Variants in IST1 observed in about 807,000 individuals in gnomAD.
IST1 encodes IST1 homolog.
Under a neutral mutation model 37.0 loss-of-function variants are expected in IST1, and 23 were observed. That is an observed-to-expected ratio of 0.62 (90% CI 0.45 to 0.88). The LOEUF is 0.88. Among genes scored for constraint, IST1 ranks in the 40% least tolerant of loss-of-function variants. The probability of loss-of-function intolerance (pLI) is 0.00; values close to 1 mark genes in which losing one functional copy is unlikely to be tolerated. For missense variants in IST1, 488 were observed against 445.4 expected, an observed-to-expected ratio of 1.10 and a Z score of -0.86; for synonymous variants, 180 against 161.7, an observed-to-expected ratio of 1.11 and a Z score of -0.86.
At chr16:71,912,386 C>T (rs922249759) in intron 1 of IST1, among the ~76,000 whole-genome samples, 1 of 152,032 alleles carries the variant, frequency 6.6e-6, no homozygotes, top group Non-Finnish European at 1.5e-5. Flanking sequence ...TACAGGCGCC[C>T]GCCACCATGC....
At chr16:71,898,840 C>G (rs2037037911) in intron 1 of IST1, among the ~76,000 whole-genome samples, 2 of 151,500 alleles carry the variant, frequency 1.3e-5, no homozygotes, top group Admixed American at 1.3e-4. Flanking sequence ...AGCGGGGTGC[C>G]TGTTCTCCCA....
intron 8 of IST1, chr16:71,923,658 T>TA (rs1284457664): frequency 3.2e-6 from 1 of 317,304 alleles, no homozygotes; most frequent in African/African-American, 2.2e-5. Flanking sequence ...TGAGGGCACT[T>TA]AGCCAGTTGT....
chr16:71,894,748 C>T (rs980648092), upstream of IST1: 33 of 816,592 alleles, frequency 4.0e-5, 1 homozygote, highest in Admixed American at 7.0e-4. Flanking sequence ...GGTGTCCAGG[C>T]TGGTCTGCAA....
At chr16:71,916,042 G>T (rs1348739889) in intron 2 of IST1, among the ~76,000 whole-genome samples, 3 of 152,058 alleles carry the variant, frequency 2.0e-5, no homozygotes, top group Non-Finnish European at 2.9e-5. Context: ...CGTTGGCCAG[G>T]CTGGTCTTGC....
At chr16:71,902,028 A>C (rs2037120367) in intron 1 of IST1, among the ~76,000 whole-genome samples, 1 of 152,230 alleles carries the variant, frequency 6.6e-6, no homozygotes, top group Non-Finnish European at 1.5e-5. Flanking sequence ...AAGAGCTAAG[A>C]CTTTTTAAAA....
At chr16:71,898,964 C>CAAAAA (rs10711796) in intron 1 of IST1, among the ~76,000 whole-genome samples, 1 of 110,310 alleles carries the variant, frequency 9.1e-6, no homozygotes, top group Non-Finnish European at 1.9e-5. Flanking sequence ...GCCTCTATCT[C>CAAAAA]AAAAAAAAAA....
rs1368318960 is a variant in IST1 at position 71,929,429 on chromosome 16, C to A, written c.*1616C>A. On this transcript the variant is annotated 3_prime_UTR_variant, in exon 10 of 10. Transcript: ENST00000378799. ...ACTTGGGACCAAGGGGATTTTGATT[C>A]CTAACTTACAGAATTAAAAACAAAG... The A allele has an allele frequency of 8.7e-7, 1 of 1,154,724 alleles. No homozygotes were observed. The highest frequency in any genetic ancestry group is 1.2e-6 in the Non-Finnish European group (1 of 845,734). 71.5% of individuals were successfully genotyped at this position (1,154,724 alleles called of 1,614,324 possible).
intron 5 of IST1, 184 bp downstream of exon 5, chr16:71,921,006 G>T: frequency 1.6e-6 from 1 of 642,654 alleles, no homozygotes; most frequent in Admixed American, 2.3e-5. Flanking sequence ...CAATTCCTCT[G>T]GTTACTGTCA....
At chr16:71,913,604 A>C (rs780190519) in intron 1 of IST1, among the ~76,000 whole-genome samples, 2 of 152,074 alleles carry the variant, frequency 1.3e-5, no homozygotes, top group Non-Finnish European at 2.9e-5. Flanking sequence ...GGACTCCAGC[A>C]ATCCTCCCGG....
intron 9 of IST1, 129 bp from the exon 10 acceptor site, chr16:71,927,484 CT>C (rs2037772072): frequency 1.6e-6 from 1 of 626,202 alleles, no homozygotes; most frequent in East Asian, 3.0e-5. Flanking sequence ...GGGAGACTGT[CT>C]CAAAAAAAAA....
At chr16:71,922,980 C>T (rs1227567731) in intron 7 of IST1, 3 of 486,634 alleles carry the variant, frequency 6.2e-6, no homozygotes, top group African/African-American at 5.9e-5. Context: ...GAATAAACCA[C>T]CAATTATTAC....
rs575968275 is a variant in IST1, at chr16:71,903,679, G to A, written c.-16+8090G>A. The stretch of plus-strand genomic sequence containing the variant: ...CTCTCAAGTAGCTGAGGTTATAGGT[G>A]AGAGCTACCATGCCTGGTCCTATTT... On this transcript the variant is annotated intron_variant, in intron 1 of 9. Coordinates refer to ENST00000378799, the MANE Select transcript of IST1 (RefSeq NM_001270975.2). 2.2e-4 allele frequency: 33 copies of A among 152,290 alleles called. 1 individual carries two copies. Among genetic ancestry groups the A allele is most frequent in the African/African-American group, 7.5e-4 (31 of 41,552 alleles). 9.4% of individuals were successfully genotyped at this position (152,290 alleles called of 1,614,324 possible).
Position 71,904,177 on chromosome 16 carries a change from G to A in IST1, c.-16+8588G>A, listed in dbSNP as rs570090481. 1.2e-4 allele frequency among the ~76,000 whole-genome samples: 18 copies of A among 152,262 alleles called. No homozygotes were observed. In the South Asian group the frequency reaches 3.5e-3, roughly 30 times the overall value. On this transcript the variant is annotated intron_variant, in intron 1 of 9. Transcript: ENST00000378799. The stretch of plus-strand genomic sequence containing the variant: ...TTCGCTGTTGTTGCCCAGGCTGAGT[G>A]CAGTGGTGTGATCTCCGCTCGCTGC...
chr16:71,920,921 G>A (rs2037565057), intron 5 of IST1, 99 bp downstream of exon 5: 1 of 887,658 alleles, frequency 1.1e-6, no homozygotes, highest in Admixed American at 1.8e-5. Context: ...TGCTCAGTAT[G>A]GGGTTTCACC....
chr16:71,906,065 G>A (rs1441162136), intron 1 of IST1, among the ~76,000 whole-genome samples: 1 of 148,756 alleles, frequency 6.7e-6, no homozygotes, highest in African/African-American at 2.5e-5. Flanking sequence ...GTGCAGTGGT[G>A]CCATCTCGGC....
At chr16:71,922,172 T>C (rs1035750167) in intron 6 of IST1, among the ~76,000 whole-genome samples, 1 of 151,276 alleles carries the variant, frequency 6.6e-6, no homozygotes, top group Non-Finnish European at 1.5e-5. Context: ...TTAAGGTCAG[T>C]GGGGTGTGGT....
chr16:71,899,581 A>G (rs961451235), intron 1 of IST1, among the ~76,000 whole-genome samples: 13 of 152,038 alleles, frequency 8.6e-5, no homozygotes, highest in Admixed American at 5.9e-4. Flanking sequence ...GAACAACAAC[A>G]AAAGAAACCT....
intron 1 of IST1, among the ~76,000 whole-genome samples, chr16:71,912,523 C>T (rs2037380470): frequency 6.6e-6 from 1 of 152,176 alleles, no homozygotes; most frequent in Non-Finnish European, 1.5e-5. Context: ...AGGTGTGAGC[C>T]ACCGCGCCCG....
chr16:71,921,381 C>G lies in IST1; in HGVS notation c.480C>G (p.Ile160Met), dbSNP rs903243300. 6.2e-7 allele frequency: 1 copy of G among 1,613,510 alleles called. No individual in the cohort carries two copies. Among genetic ancestry groups the G allele is most frequent in the East Asian group, 2.2e-5 (1 of 44,876 alleles). The change falls in exon 6 of 10, where the codon ATC (isoleucine) becomes ATG (methionine). Residue 160 changes from isoleucine (I) to methionine (M), a missense_variant. Physicochemically the swap from Ile to Met is conservative, Grantham distance 10. Transcript: ENST00000378799. Reference protein sequence around the residue: ...HKLSVEAPPKILVERYLIEIA... With the variant: ...HKLSVEAPPKMLVERYLIEIA... Reference sequence around the variant, plus strand: ...TGAGTGTGGAAGCCCCACCCAAAATCCTGGTGGAGAGATACCTGATTGAAA... The same window carrying G: ...TGAGTGTGGAAGCCCCACCCAAAATGCTGGTGGAGAGATACCTGATTGAAA...
Sources: allele counts gnomAD v4.1 joint callset (sites outside exome capture counted in the v4.1 genomes callset), GRCh38; gene constraint gnomAD v4.1.1; transcripts MANE v1.5; gene names NCBI Gene and HGNC (gene_info 2026-07-23, HGNC 2026-07-21).